Variants in ACSL4 observed in about 807,000 individuals in gnomAD.
ACSL4 encodes the protein long-chain-fatty-acid--CoA ligase 4.
In ACSL4, 9 loss-of-function variants were observed where a neutral mutation model predicts 49.1. The ratio of observed to expected loss-of-function variants is 0.18; its 90% CI spans 0.11 to 0.32. The LOEUF is 0.32. ACSL4 is among the 10% of genes least tolerant of loss of function. The pLI is 1.00. For synonymous variants in ACSL4, 191 were observed against 170.3 expected, an observed-to-expected ratio of 1.12 and a Z score of -0.95; for missense variants, 333 against 493.7, an observed-to-expected ratio of 0.67 and a Z score of 3.08.
chrX:109,652,193 A>C (rs1921202365), intron 15 of ACSL4, among the ~76,000 whole-genome samples: 1 of 112,071 alleles, frequency 8.9e-6, no homozygotes, highest in Non-Finnish European at 1.9e-5. Context: ...AAGATGTATA[A>C]TTTCTGACAG....
chrX:109,662,475 T>C (rs1201004775), intron 13 of ACSL4, among the ~76,000 whole-genome samples: 2 of 111,246 alleles, frequency 1.8e-5, no homozygotes, highest in African/African-American at 3.3e-5. Context: ...AGTCACTACA[T>C]ATAGGTGAGG....
At chrX:109,733,064 C>A in intron 1 of ACSL4, 75 bp downstream of exon 1, 1 of 329,900 alleles carries the variant, frequency 3.0e-6, no homozygotes, top group Non-Finnish European at 5.9e-6. Context: ...CGCCAGTCCC[C>A]CTCTGGAAAT....
chrX:109,687,994 G>C (rs1456077691), intron 2 of ACSL4, among the ~76,000 whole-genome samples: 1 of 111,438 alleles, frequency 9.0e-6, no homozygotes, highest in East Asian at 2.8e-4. Flanking sequence ...ACTGTGTTGA[G>C]TGTCTCACTT....
intron 1 of ACSL4, among the ~76,000 whole-genome samples, chrX:109,696,486 T>C (rs1457344641): frequency 7.1e-5 from 8 of 112,018 alleles, no homozygotes; most frequent in African/African-American, 1.6e-4. Context: ...GAATCCCCCA[T>C]GGTCAGGACC....
chrX:109,667,294 G>C (rs1289843998), intron 11 of ACSL4, among the ~76,000 whole-genome samples: 1 of 112,521 alleles, frequency 8.9e-6, no homozygotes, highest in Non-Finnish European at 1.9e-5. Context: ...GTCACAGCTG[G>C]GGTGAGCCCA....
intron 1 of ACSL4, among the ~76,000 whole-genome samples, chrX:109,699,898 A>C (rs767986530): frequency 9.0e-6 from 1 of 111,578 alleles, no homozygotes; most frequent in Non-Finnish European, 1.9e-5. Context: ...TCACACGCTA[A>C]GCTGTGGGAG....
chrX:109,657,965 C>T (rs957760986), intron 15 of ACSL4, among the ~76,000 whole-genome samples: 1 of 111,659 alleles, frequency 9.0e-6, no homozygotes, highest in East Asian at 2.8e-4. Flanking sequence ...TCTCTGATGG[C>T]CAGTGATGAT....
At chrX:109,665,359 T>C in intron 12 of ACSL4, 61 bp downstream of exon 12, 1 of 1,024,133 alleles carries the variant, frequency 9.8e-7, no homozygotes, top group Non-Finnish European at 1.4e-6. Context: ...ATGAAAGTCA[T>C]AAAGCTGACA....
chrX:109,677,251 C>T (rs1410244948), intron 8 of ACSL4, among the ~76,000 whole-genome samples: 43 of 109,718 alleles, frequency 3.9e-4, no homozygotes, highest in Non-Finnish European at 7.6e-5. Context: ...CATGAGCCAC[C>T]GCGCCCGGCC....
intron 15 of ACSL4, among the ~76,000 whole-genome samples, chrX:109,648,136 T>C (rs1934818408): frequency 9.0e-6 from 1 of 110,627 alleles, no homozygotes; most frequent in Non-Finnish European, 1.9e-5. Flanking sequence ...ACTATTCCAA[T>C]CAATAGAAAA....
At chrX:109,669,751 G>A (rs193124720) in intron 9 of ACSL4, among the ~76,000 whole-genome samples, 7 of 111,547 alleles carry the variant, frequency 6.3e-5, no homozygotes, top group Non-Finnish European at 1.3e-4. Flanking sequence ...CTCAGCTGTC[G>A]CAGAAAAAAA....
chrX:109,652,706 A>G (rs1364132062), intron 15 of ACSL4, among the ~76,000 whole-genome samples: 1 of 111,632 alleles, frequency 9.0e-6, no homozygotes, highest in East Asian at 2.8e-4. Flanking sequence ...AGAGCAAATC[A>G]GGCTTTGTAT....
chrX:109,690,701 G>A (rs1388663450), intron 2 of ACSL4, among the ~76,000 whole-genome samples: 1 of 99,325 alleles, frequency 1.0e-5, no homozygotes, highest in Non-Finnish European at 2.0e-5. Flanking sequence ...CTTTGGGTAT[G>A]AAGAAATACT....
At chrX:109,668,489 C>T (rs1603402846) in intron 10 of ACSL4, among the ~76,000 whole-genome samples, 1 of 111,165 alleles carries the variant, frequency 9.0e-6, no homozygotes, top group African/African-American at 3.3e-5. Context: ...TGTGTAGCAT[C>T]GGGAAACTAT....
At chrX:109,701,539 CTTCTTT>C (rs1053985350) in intron 1 of ACSL4, among the ~76,000 whole-genome samples, 4 of 99,704 alleles carry the variant, frequency 4.0e-5, no homozygotes, top group Admixed American at 3.3e-4. Flanking sequence ...TTTTCTTCTT[CTTCTTT>C]TTCTTTTTTT....
chrX:109,707,794 A>G (rs1289049348), intron 1 of ACSL4, among the ~76,000 whole-genome samples: 3 of 112,351 alleles, frequency 2.7e-5, no homozygotes, highest in Non-Finnish European at 5.6e-5. Context: ...CATCAAATGC[A>G]GCATTGCCAG....
chrX:109,730,244 A>ATAGTTTG lies in ACSL4; in HGVS notation c.-66+2894_-66+2895insCAAACTA, dbSNP rs1400972282. Among the ~76,000 whole-genome samples the ATAGTTTG allele has an allele frequency of 3.2e-3, 355 of 112,502 alleles. 1 individual carries two copies. Among genetic ancestry groups the ATAGTTTG allele is most frequent in the African/African-American group, 0.011 (329 of 30,961 alleles). Reference sequence around the variant, plus strand: ...GTATTATTTCTTACAACTATATGTGAATCTACAACTATCTCAAAATAAAAA... The same window carrying ATAGTTTG: ...GTATTATTTCTTACAACTATATGTGATAGTTTGATCTACAACTATCTCAAAATAAAAA... On this transcript the variant is annotated intron_variant, in intron 1 of 15. Coordinates refer to ENST00000672401, the MANE Select transcript of ACSL4 (RefSeq NM_001318510.2).
intron 1 of ACSL4, among the ~76,000 whole-genome samples, chrX:109,713,060 GAGGGATGA>G (rs1198104360): frequency 9.3e-6 from 1 of 107,466 alleles, no homozygotes; most frequent in Non-Finnish European, 1.9e-5. Flanking sequence ...GGGAGGGAAG[GAGGGATGA>G]AGGGAAGAAG....
At chrX:109,684,619 A>G (rs1188607762) in intron 2 of ACSL4, among the ~76,000 whole-genome samples, 1 of 112,458 alleles carries the variant, frequency 8.9e-6, no homozygotes, top group Non-Finnish European at 1.9e-5. Flanking sequence ...TTGTGGTAAT[A>G]CATAACTAAT....
Sources: gnomAD v4.1 joint callset for allele counts (sites outside exome capture counted in the v4.1 genomes callset) on GRCh38, gnomAD v4.1.1 for gene constraint, MANE v1.5 for transcripts, NCBI Gene and HGNC (gene_info 2026-07-23, HGNC 2026-07-21) for gene names.